The following NAALADL2 variants were observed in gnomAD, a reference collection of about 807,000 sequenced individuals.
The protein encoded by NAALADL2 is inactive N-acetylated-alpha-linked acidic dipeptidase-like protein 2.
A neutral mutation model predicts 87.2 loss-of-function variants in NAALADL2; 76 were observed. The ratio of observed to expected loss-of-function variants is 0.87; its 90% CI spans 0.72 to 1.05. NAALADL2 has a LOEUF of 1.05. NAALADL2 is among the 50% of genes least tolerant of loss of function. The pLI, the probability that NAALADL2 is intolerant of heterozygous loss-of-function variation, is 0.00. For synonymous variants in NAALADL2, 354 were observed against 331.0 expected (o/e 1.07, Z -0.75); for missense variants, 1,089 against 945.8 (o/e 1.15, Z -1.99).
intron 2 of NAALADL2, among the ~76,000 whole-genome samples, chr3:175,137,517 A>G (rs868686091): frequency 3.6e-4 from 54 of 152,036 alleles, no homozygotes; most frequent in Admixed American, 3.4e-3. Context: ...ATATTTCTAT[A>G]AATAATCTTA....
At chr3:175,413,872 A>C (rs1237353426) in intron 5 of NAALADL2, among the ~76,000 whole-genome samples, 1 of 152,218 alleles carries the variant, frequency 6.6e-6, no homozygotes, top group Non-Finnish European at 1.5e-5. Flanking sequence ...CATGTTGAAA[A>C]GACCAAAATA....
chr3:175,166,565 A>G (rs1442612958), intron 2 of NAALADL2, among the ~76,000 whole-genome samples: 1 of 126,910 alleles, frequency 7.9e-6, no homozygotes, highest in Non-Finnish European at 1.8e-5. Context: ...AAAACACCAC[A>G]CATTTTTTTT....
intron 1 of NAALADL2, among the ~76,000 whole-genome samples, chr3:174,984,032 C>T (rs1745481844): frequency 6.6e-6 from 1 of 152,166 alleles, no homozygotes; most frequent in South Asian, 2.1e-4. Flanking sequence ...TCTGCATCTT[C>T]AGACCTTTAT....
At chr3:174,850,303 C>G (rs1378325333) in intron 3 of NAALADL2, among the ~76,000 whole-genome samples, 1 of 152,058 alleles carries the variant, frequency 6.6e-6, no homozygotes, top group Non-Finnish European at 1.5e-5. Flanking sequence ...TTATTTGCCT[C>G]TTTTGCTGCT....
chr3:175,791,590 C>G (rs1219618979), intron 13 of NAALADL2, among the ~76,000 whole-genome samples: 1 of 151,996 alleles, frequency 6.6e-6, no homozygotes, highest in Non-Finnish European at 1.5e-5. Context: ...GGAGTGTTCC[C>G]AATGCAATGG....
chr3:174,503,824 G>T (rs1314697917), intron 1 of NAALADL2, among the ~76,000 whole-genome samples: 1 of 151,768 alleles, frequency 6.6e-6, no homozygotes, highest in East Asian at 1.9e-4. Context: ...TCCAAATTTG[G>T]GTCAGAATTT....
At chr3:175,726,412 T>C (rs1455148985) in intron 11 of NAALADL2, among the ~76,000 whole-genome samples, 1 of 152,174 alleles carries the variant, frequency 6.6e-6, no homozygotes, top group African/African-American at 2.4e-5. Context: ...GTGAACAGGA[T>C]AGTTCAGAGA....
intron 1 of NAALADL2, among the ~76,000 whole-genome samples, chr3:174,964,454 A>G (rs1160377398): frequency 6.6e-6 from 1 of 152,148 alleles, no homozygotes; most frequent in African/African-American, 2.4e-5. Context: ...AAGCCCTGAT[A>G]TTGGATAAAA....
intron 9 of NAALADL2, among the ~76,000 whole-genome samples, chr3:175,567,311 G>A (rs1717307728): frequency 6.6e-6 from 1 of 152,086 alleles, no homozygotes; most frequent in Admixed American, 6.5e-5. Context: ...GGTTGTTGAG[G>A]GAGTAGAGAA....
chr3:174,444,204 CAA>C (rs772574452), intron 1 of NAALADL2, among the ~76,000 whole-genome samples: 7 of 152,058 alleles, frequency 4.6e-5, no homozygotes, highest in Non-Finnish European at 8.8e-5. Context: ...ATGCATACAA[CAA>C]GAGAGACTAT....
intron 8 of NAALADL2, among the ~76,000 whole-genome samples, chr3:175,469,467 A>C (rs1267676112): frequency 1.3e-5 from 2 of 152,078 alleles, no homozygotes; most frequent in Non-Finnish European, 2.9e-5. Context: ...AACTCTGGAA[A>C]CCCACAGTGG....
intron 1 of NAALADL2, among the ~76,000 whole-genome samples, chr3:175,001,106 T>A (rs1376718265): frequency 6.6e-6 from 1 of 152,178 alleles, no homozygotes; most frequent in Non-Finnish European, 1.5e-5. Flanking sequence ...TGAGGAAGGT[T>A]CCAGTCCAAC....
intron 4 of NAALADL2, among the ~76,000 whole-genome samples, chr3:175,257,778 A>C (rs184306379): frequency 1.3e-3 from 201 of 152,324 alleles, no homozygotes; most frequent in African/African-American, 4.3e-3. Flanking sequence ...ATAAATCAAA[A>C]AAAAGATCAA....
intron 1 of NAALADL2, among the ~76,000 whole-genome samples, chr3:174,872,282 A>G (rs538157006): frequency 6.6e-6 from 1 of 152,274 alleles, no homozygotes; most frequent in Admixed American, 6.5e-5. Context: ...CATATTTAAG[A>G]GTCACGTCCA....
intron 1 of NAALADL2, among the ~76,000 whole-genome samples, chr3:174,910,077 A>T (rs990516225): frequency 7.7e-4 from 117 of 152,140 alleles, no homozygotes; most frequent in African/African-American, 2.6e-3. Flanking sequence ...ATTTTATCTA[A>T]ATTGTGTTCA....
intron 2 of NAALADL2, among the ~76,000 whole-genome samples, chr3:174,695,509 CA>C (rs1728942578): frequency 6.6e-6 from 1 of 151,928 alleles, no homozygotes; most frequent in African/African-American, 2.4e-5. Context: ...AATTTCCCAA[CA>C]AGGATGTCAA....
intron 2 of NAALADL2, among the ~76,000 whole-genome samples, chr3:174,555,333 C>G (rs1428871735): frequency 6.6e-6 from 1 of 152,140 alleles, no homozygotes; most frequent in African/African-American, 2.4e-5. Context: ...GAGTCTCACT[C>G]TTGTCGCCCA....
intron 5 of NAALADL2, among the ~76,000 whole-genome samples, chr3:175,364,271 T>C: frequency 6.8e-6 from 1 of 147,942 alleles, no homozygotes; most frequent in East Asian, 2.0e-4. Context: ...AAAATATGTC[T>C]TTTTCCTCTG....
At chr3:175,023,990 A>T (rs190536137) in intron 1 of NAALADL2, among the ~76,000 whole-genome samples, 34 of 152,190 alleles carry the variant, frequency 2.2e-4, no homozygotes, top group Middle Eastern at 3.4e-3. Flanking sequence ...TAGCAGTGGA[A>T]AAATTCTTTA....
Sources: allele counts gnomAD v4.1 joint callset (sites outside exome capture counted in the v4.1 genomes callset), GRCh38; gene constraint gnomAD v4.1.1; transcripts MANE v1.5; gene names NCBI Gene and HGNC (gene_info 2026-07-23, HGNC 2026-07-21).